COL4A3: variants seen among roughly 807,000 people sequenced by gnomAD.
COL4A3 encodes collagen type IV alpha 3 chain, also known as collagen alpha-3(IV) chain.
A neutral mutation model predicts 217.4 loss-of-function variants in COL4A3; 135 were observed. The observed-to-expected ratio is 0.62, with a 90% confidence interval of 0.54 to 0.72. COL4A3 has a LOEUF of 0.72. COL4A3 is among the 30% of genes least tolerant of loss of function. COL4A3 has a pLI of 0.00. For synonymous variants in COL4A3, 690 were observed against 736.3 expected (o/e 0.94, Z 1.02); for missense variants, 1,868 against 2,119.9 (o/e 0.88, Z 2.33).
Position 227,290,911 on chromosome 2 carries a change from C to A in COL4A3, c.3210+25C>A, listed in dbSNP as rs377475499. On this transcript the variant is annotated intron_variant, in intron 37 of 51. Coordinates refer to ENST00000396578, the MANE Select transcript of COL4A3 (RefSeq NM_000091.5). ...GGTATATAGGCCACTGAAATATTTA[C>A]ATTTTAGTGGTGGAGTGAGTGCCTT... The A allele has an allele frequency of 4.0e-5, 64 of 1,601,464 alleles. No homozygotes were observed. The Middle Eastern group carries it at 5.1e-4, about 13-fold the overall frequency.
chr2:227,280,706 CCTTT>C, intron 30 of COL4A3, 116 bp downstream of exon 30: 2 of 1,272,126 alleles, frequency 1.6e-6, no homozygotes, highest in East Asian at 4.6e-5. Context: ...TCCTGCCCTA[CCTTT>C]CTTCCTTCTT....
At chr2:227,179,672 G>C (rs56884177) in intron 1 of COL4A3, among the ~76,000 whole-genome samples, 1 of 152,152 alleles carries the variant, frequency 6.6e-6, no homozygotes, top group South Asian at 2.1e-4. Context: ...CATTCCACAA[G>C]GCAGCAAATA....
Position 227,223,933 on chromosome 2 carries a change from A to G in COL4A3, c.88-14035A>G, listed in dbSNP as rs73078046. ...GAGCAACTAAGCCAGGAATGAATTC[A>G]GCTCTAAGAAGTTACTCTTCTCCAT... On this transcript the variant is annotated intron_variant, in intron 1 of 51. Coordinates refer to ENST00000396578, the MANE Select transcript of COL4A3 (RefSeq NM_000091.5). Among the ~76,000 whole-genome samples the G allele has an allele frequency of 3.6e-3, 551 of 152,330 alleles. 3 individuals carry two copies. The highest frequency in any genetic ancestry group is 0.012 in the African/African-American group (519 of 41,576).
Position 227,253,334 on chromosome 2 carries a change from G to A in COL4A3, c.684G>A (p.Glu228=), listed in dbSNP as rs776020464. Residue 228 remains glutamate, a synonymous_variant, in exon 12 of 52, where the codon GAG becomes GAA. Transcript: ENST00000396578. This position sits in a 1 kb window ranked among gnomAD's most constrained non-coding sequence, Gnocchi z 4.4. ...MGERVIGHKG[E]RGVKGLTGPP... ...AAAGAGTGATAGGACATAAAGGAGA[G>A]CGGGTAATTTAAATACTATGTTTTA... The A allele has an allele frequency of 1.2e-6, 2 of 1,613,752 alleles. No homozygotes were observed. The highest frequency in any genetic ancestry group is 3.3e-5 in the Admixed American group (2 of 60,022).
intron 1 of COL4A3, among the ~76,000 whole-genome samples, chr2:227,194,185 A>AT (rs1321139007): frequency 6.6e-6 from 1 of 152,200 alleles, no homozygotes; most frequent in Non-Finnish European, 1.5e-5. Context: ...CAGCATCCCA[A>AT]TAAGAAACCC....
At chr2:227,184,118 G>T (rs762574518) in intron 1 of COL4A3, among the ~76,000 whole-genome samples, 1 of 152,178 alleles carries the variant, frequency 6.6e-6, no homozygotes, top group Non-Finnish European at 1.5e-5. Context: ...CAATAGTCTG[G>T]CCAGCAGAAC....
chr2:227,222,033 A>T (rs2067815514), intron 1 of COL4A3, among the ~76,000 whole-genome samples: 1 of 151,510 alleles, frequency 6.6e-6, no homozygotes, highest in African/African-American at 2.4e-5. Context: ...AGTAGCTTGT[A>T]GTCCCACCTA....
intron 47 of COL4A3, chr2:227,305,662 CAA>C (rs60985480): frequency 0.2 from 27,710 of 138,800 alleles, 2,501 homozygotes; most frequent in African/African-American, 0.24. Flanking sequence ...GACTCTGTCT[CAA>C]AAAAAAAAAA....
At chr2:227,198,669 T>C (rs2066574033) in intron 1 of COL4A3, among the ~76,000 whole-genome samples, 1 of 152,182 alleles carries the variant, frequency 6.6e-6, no homozygotes. Flanking sequence ...CCTCAAGGAA[T>C]TCCCATCATG....
chr2:227,168,939 T>C (rs2125631343), intron 1 of COL4A3, among the ~76,000 whole-genome samples: 2 of 152,010 alleles, frequency 1.3e-5, no homozygotes, highest in African/African-American at 4.8e-5. Flanking sequence ...GTGCACAATG[T>C]GCAGGTTAGT....
chr2:227,280,919 G>A lies in COL4A3; in HGVS notation c.2401G>A (p.Gly801Arg). 1 of 1,561,304 alleles carries A rather than the reference G, an allele frequency of 6.4e-7. No homozygotes were observed. Among genetic ancestry groups the A allele is most frequent in the South Asian group, 1.2e-5 (1 of 84,530 alleles). Residue 801 changes from glycine (G) to arginine (R), a missense_variant, in exon 31 of 52, where the codon GGA becomes AGA. Gly to Arg is a moderately radical substitution (Grantham distance 125). This residue lies in a region of COL4A3 where 1,503 missense variants were observed against 1,786.1 expected (regional missense o/e 0.84). Coordinates refer to ENST00000396578, the MANE Select transcript of COL4A3 (RefSeq NM_000091.5). ...AGATCCAGGGCAGCCTGGACCACCT[G>A]GAGAACAAGGACCCCCAGGAAGGTG... is the stretch of plus-strand genomic sequence containing the variant. ...RGDPGQPGPP[G>R]EQGPPGRCIE...
chr2:227,227,303 T>C (rs535394276), intron 1 of COL4A3, among the ~76,000 whole-genome samples: 1 of 152,250 alleles, frequency 6.6e-6, no homozygotes, highest in South Asian at 2.1e-4. Context: ...AGCCCGTCAA[T>C]AATGAAATAC....
chr2:227,294,756 T>G (rs1325841292), intron 39 of COL4A3, among the ~76,000 whole-genome samples, 186 bp downstream of exon 39: 2 of 152,170 alleles, frequency 1.3e-5, no homozygotes, highest in African/African-American at 2.4e-5. Context: ...TGGCAACCTA[T>G]TCCAAACTGA....
rs984524241 is a variant in COL4A3 at position 227,259,804 on chromosome 2, T to C, written c.1041T>C (p.Tyr347=). Residue 347 remains tyrosine, a synonymous_variant, in exon 19 of 52, where the codon TAT becomes TAC. Coordinates refer to ENST00000396578, the MANE Select transcript of COL4A3 (RefSeq NM_000091.5). ...PPGFRGPTEY[Y]DTYQEKGDEG... ...CTTTCTCCTCTAAGACAGAATATTATGACACATACCAGGAAAAGGGAGATG... is the reference window on the plus strand; with the variant it reads ...CTTTCTCCTCTAAGACAGAATATTACGACACATACCAGGAAAAGGGAGATG... The C allele has an allele frequency of 4.3e-6, 7 of 1,611,894 alleles. No individual in the cohort carries two copies. The highest frequency in any genetic ancestry group is 5.1e-6 in the Non-Finnish European group (6 of 1,177,954).
At position 227,282,327 on chromosome 2, in the gene COL4A3, T is replaced by C. The variant is rs1359421435; in HGVS notation, c.2489-38T>C. On this transcript the variant is annotated intron_variant, in intron 31 of 51. Transcript: ENST00000396578. This position sits in a 1 kb window ranked among gnomAD's most constrained non-coding sequence, Gnocchi z 4.4. Reference sequence around the variant, plus strand: ...TTCTGAAGTTAGTAGGGGAAAGCATTTGTGGGTTAATTAATTCATTCATTT... The same window carrying C: ...TTCTGAAGTTAGTAGGGGAAAGCATCTGTGGGTTAATTAATTCATTCATTT... 2.0e-6 allele frequency: 3 copies of C among 1,512,904 alleles called. No individual in the cohort carries two copies. The highest frequency in any genetic ancestry group is 2.7e-6 in the Non-Finnish European group (3 of 1,095,808). 93.7% of individuals were successfully genotyped at this position (1,512,904 alleles called of 1,614,324 possible). A position where few individuals can be genotyped will look rare whatever the true frequency, so the allele number is the denominator to read the frequency against.
chr2:227,219,960 G>C (rs1310475214), intron 1 of COL4A3, among the ~76,000 whole-genome samples: 1 of 151,960 alleles, frequency 6.6e-6, no homozygotes, highest in African/African-American at 2.4e-5. Flanking sequence ...TCGACCTGTA[G>C]GAAGTCCAAA....
chr2:227,290,127 G>A (rs1345169134), intron 36 of COL4A3, 39 bp downstream of exon 36: 1 of 1,543,316 alleles, frequency 6.5e-7, no homozygotes, highest in Non-Finnish European at 9.0e-7. Context: ...ACAAGCTCAT[G>A]ATGGGTGAGG....
chr2:227,184,187 G>A (rs1477644481), intron 1 of COL4A3, among the ~76,000 whole-genome samples: 1 of 152,170 alleles, frequency 6.6e-6, no homozygotes, highest in Non-Finnish European at 1.5e-5. Flanking sequence ...CAAGTGAGGA[G>A]AGAAGTACCC....
At chr2:227,249,230 A>ATTTTTTTTTTTTTTTTTTT (rs1247683938) in intron 9 of COL4A3, among the ~76,000 whole-genome samples, 1 of 14,690 alleles carries the variant, frequency 6.8e-5, no homozygotes, top group Non-Finnish European at 1.2e-4. Context: ...ATATATATAT[A>ATTTTTTTTTTTTTTTTTTT]TTTTTTTTTT....
Sources: gnomAD v4.1 joint callset for allele counts (sites outside exome capture counted in the v4.1 genomes callset) on GRCh38, gnomAD v4.1.1 for gene constraint, gnomAD v4.1.1 regional missense constraint, Gnocchi (gnomAD v3.1) non-coding constraint, MANE v1.5 for transcripts, NCBI Gene and HGNC (gene_info 2026-07-23, HGNC 2026-07-21) for gene names.